SREK1: variants seen among roughly 807,000 people sequenced by gnomAD.
SREK1 encodes the protein splicing regulatory glutamic acid and lysine rich protein 1.
In SREK1, 13 loss-of-function variants were observed where a neutral mutation model predicts 66.5. That is an observed-to-expected ratio of 0.20 (90% CI 0.13 to 0.31). SREK1 has a LOEUF of 0.31. SREK1 is among the 10% of genes least tolerant of loss of function. SREK1 has a pLI of 1.00. For missense variants in SREK1, 607 were observed against 769.6 expected (o/e 0.79, Z 2.50); for synonymous variants, 265 against 263.5 (o/e 1.01, Z -0.05).
At chr5:66,145,305 A>G (rs917512767) in intron 1 of SREK1, 1 of 383,856 alleles carries the variant, frequency 2.6e-6, no homozygotes, top group Non-Finnish European at 3.6e-6. Flanking sequence ...CCCTCGTACG[A>G]TATTATTTAG....
At chr5:66,149,333 G>A (rs1292558369) in intron 1 of SREK1, among the ~76,000 whole-genome samples, 1 of 151,446 alleles carries the variant, frequency 6.6e-6, no homozygotes, top group African/African-American at 2.4e-5. Flanking sequence ...TCGGGTGACA[G>A]TGTGAAACTC....
chr5:66,148,064 T>C (rs918123264), intron 1 of SREK1, among the ~76,000 whole-genome samples: 4 of 151,998 alleles, frequency 2.6e-5, no homozygotes. Context: ...TAGCTAGAAA[T>C]TGGGAGGTGT....
chr5:66,146,630 A>T (rs985495175), intron 1 of SREK1, among the ~76,000 whole-genome samples: 2 of 151,338 alleles, frequency 1.3e-5, no homozygotes, highest in Admixed American at 6.6e-5. Flanking sequence ...TTTTGCAGCA[A>T]TACTGACATG....
At chr5:66,144,771 C>T (rs185228496) in intron 1 of SREK1, 4 of 1,220,216 alleles carry the variant, frequency 3.3e-6, no homozygotes, top group South Asian at 4.7e-5. Flanking sequence ...AGAATGGTTG[C>T]CCTTTCTGTG....
At chr5:66,174,796 T>C in intron 9 of SREK1, 150 bp from the exon 10 acceptor site, 2 of 574,912 alleles carry the variant, frequency 3.5e-6, no homozygotes, top group Non-Finnish European at 2.9e-6. Flanking sequence ...AGTTAGGTAA[T>C]TGAACATGCT....
At chr5:66,161,036 C>G (rs1744717787) in intron 3 of SREK1, among the ~76,000 whole-genome samples, 1 of 152,012 alleles carries the variant, frequency 6.6e-6, no homozygotes. Context: ...GGTTTTTGCC[C>G]TTTTCCTACC....
At chr5:66,151,462 C>T (rs2111951639) in intron 1 of SREK1, among the ~76,000 whole-genome samples, 1 of 152,176 alleles carries the variant, frequency 6.6e-6, no homozygotes, top group South Asian at 2.1e-4. Context: ...ACTAGTGACT[C>T]CTAGGTTTCG....
At position 66,165,111 on chromosome 5, in the gene SREK1, C is replaced by CT. The variant is rs1297340590; in HGVS notation, c.1001+217dup. The CT allele has an allele frequency of 1.2e-5, 5 of 418,132 alleles. No individual in the cohort carries two copies. In the South Asian group the frequency reaches 1.7e-4, roughly 14 times the overall value. The allele number at this position is 418,132 out of a possible 1,614,324, so 25.9% of individuals were successfully genotyped here. A position where few individuals can be genotyped will look rare whatever the true frequency, so the allele number is the denominator to read the frequency against. On this transcript the variant is annotated intron_variant, in intron 7 of 11. Coordinates refer to ENST00000334121, the MANE Select transcript of SREK1 (RefSeq NM_001077199.3). The stretch of plus-strand genomic sequence containing the variant: ...TTAATTTTTAAATATTTGAACTTAT[C>CT]TTTATTTTTAGAAGTTAGTTTTGTG...
intron 10 of SREK1, among the ~76,000 whole-genome samples, chr5:66,176,438 G>A (rs889678313): frequency 2.6e-5 from 4 of 152,090 alleles, no homozygotes; most frequent in Non-Finnish European, 4.4e-5. Context: ...TTGAACATGA[G>A]TCAGTTGTCT....
At position 66,179,488 on chromosome 5, in the gene SREK1, A is replaced by T. The variant is rs1353275727; in HGVS notation, c.*620A>T. ...AGATTAAAATTGCTTAAATAAGTGGATTAAAAAACTGACAATGCATGCTAC... is the reference window on the plus strand; with the variant it reads ...AGATTAAAATTGCTTAAATAAGTGGTTTAAAAAACTGACAATGCATGCTAC... On this transcript the variant is annotated 3_prime_UTR_variant, in exon 12 of 12. Transcript: ENST00000334121. 6.6e-6 allele frequency: 1 copy of T among 152,534 alleles called. No individual in the cohort carries two copies. Among genetic ancestry groups the T allele is most frequent in the African/African-American group, 2.4e-5 (1 of 41,446 alleles). The allele number at this position is 152,534 out of a possible 1,614,324, so 9.4% of individuals were successfully genotyped here. A position where few individuals can be genotyped will look rare whatever the true frequency, so the allele number is the denominator to read the frequency against.
At chr5:66,177,284 G>C (rs1580681519) in intron 10 of SREK1, 1 of 370,754 alleles carries the variant, frequency 2.7e-6, no homozygotes, top group East Asian at 4.3e-5. Context: ...GAGAACATAT[G>C]GTGGCCTCTG....
At chr5:66,174,247 G>A (rs1331029961) in intron 9 of SREK1, among the ~76,000 whole-genome samples, 1 of 151,936 alleles carries the variant, frequency 6.6e-6, no homozygotes, top group Non-Finnish European at 1.5e-5. Context: ...TAAGCAAAAT[G>A]GTTTTTAATA....
At chr5:66,153,681 A>G (rs1435417668) in intron 2 of SREK1, 85 bp downstream of exon 2, 3 of 1,552,564 alleles carry the variant, frequency 1.9e-6, no homozygotes, top group Middle Eastern at 1.7e-4. Context: ...TGGCAAGTAG[A>G]CAGTACTCTT....
intron 3 of SREK1, among the ~76,000 whole-genome samples, chr5:66,160,691 G>T (rs553029044): frequency 8.4e-4 from 128 of 152,290 alleles, no homozygotes; most frequent in Non-Finnish European, 1.5e-3. Flanking sequence ...CAGACTGGCT[G>T]CTGTGATAAG....
rs1561526012 is a variant in SREK1, at chr5:66,182,157, AG to A, written c.*3292del. On this transcript the variant is annotated 3_prime_UTR_variant, in exon 12 of 12. Transcript: ENST00000334121. ...TAACAATTAAAATGAATCCCTTTGG[AG>A]GGATGGCATTGAATAACTTATAATT... 6.6e-6 allele frequency: 1 copy of A among 151,042 alleles called. No homozygotes were observed. The highest frequency in any genetic ancestry group is 1.5e-5 in the Non-Finnish European group (1 of 67,810). The allele number at this position is 151,042 out of a possible 1,614,324, so 9.4% of individuals were successfully genotyped here.
chr5:66,156,980 T>C (rs962130032), intron 2 of SREK1: 67 of 985,174 alleles, frequency 6.8e-5, no homozygotes, highest in Middle Eastern at 1.0e-3. Flanking sequence ...CTTATTTGTT[T>C]TATACTTTTA....
At chr5:66,176,224 C>T (rs1486213427) in intron 10 of SREK1, among the ~76,000 whole-genome samples, 1 of 152,002 alleles carries the variant, frequency 6.6e-6, no homozygotes, top group East Asian at 1.9e-4. Context: ...TTGTCATGTG[C>T]TGTGTTTTTC....
chr5:66,177,878 G>A (rs1454446471), intron 11 of SREK1, among the ~76,000 whole-genome samples: 1 of 152,018 alleles, frequency 6.6e-6, no homozygotes, highest in Non-Finnish European at 1.5e-5. Flanking sequence ...ATCCTAACAT[G>A]GCATGCAATA....
chr5:66,146,280 G>A (rs908740302), intron 1 of SREK1, among the ~76,000 whole-genome samples: 2 of 152,044 alleles, frequency 1.3e-5, no homozygotes, highest in African/African-American at 4.8e-5. Flanking sequence ...TGCTTTCAAG[G>A]CTGTGGTAAT....
Sources: allele counts gnomAD v4.1 joint callset (sites outside exome capture counted in the v4.1 genomes callset), GRCh38; gene constraint gnomAD v4.1.1; transcripts MANE v1.5; gene names NCBI Gene and HGNC (gene_info 2026-07-23, HGNC 2026-07-21).